Variants in RTL4 observed in about 807,000 individuals in gnomAD.
RTL4 encodes retrotransposon Gag-like protein 4.
In RTL4, 4 loss-of-function variants were observed where a neutral mutation model predicts 5.3. The observed-to-expected ratio is 0.75, with a 90% confidence interval of 0.37 to 1.72. RTL4 has a LOEUF of 1.72. RTL4 is among the 40% of genes most tolerant of loss of function. RTL4 has a pLI of 0.04. For synonymous variants in RTL4, 98 were observed against 87.3 expected, an observed-to-expected ratio of 1.12 and a Z score of -0.68; for missense variants, 260 against 227.1, an observed-to-expected ratio of 1.14 and a Z score of -0.93.
chrX:112,449,833 G>A (rs1926703828), upstream of RTL4, among the ~76,000 whole-genome samples: 2 of 112,228 alleles, frequency 1.8e-5, no homozygotes, highest in Non-Finnish European at 3.8e-5. Context: ...GAAGCCCGAT[G>A]CCTTCATTGT....
chrX:112,276,793 A>C, the RTL4 span, among the ~76,000 whole-genome samples: 2 of 112,319 alleles, frequency 1.8e-5, no homozygotes, highest in Non-Finnish European at 3.8e-5. Flanking sequence ...AGTTCATTGA[A>C]ATCAAACTAT....
the RTL4 span, among the ~76,000 whole-genome samples, chrX:112,278,141 G>T: frequency 1.8e-5 from 2 of 112,226 alleles, no homozygotes; most frequent in African/African-American, 6.5e-5. Flanking sequence ...TAACTCTAAA[G>T]ATTGTTGGTT....
At chrX:112,330,623 C>G in the RTL4 span, among the ~76,000 whole-genome samples, 1 of 110,868 alleles carries the variant, frequency 9.0e-6, no homozygotes, top group Non-Finnish European at 1.9e-5. Flanking sequence ...ATAAAGCTAC[C>G]AAAGACTTTC....
At chrX:112,180,009 G>A in the RTL4 span, among the ~76,000 whole-genome samples, 2 of 111,141 alleles carry the variant, frequency 1.8e-5, no homozygotes, top group Non-Finnish European at 3.8e-5. Flanking sequence ...GAACATGGGC[G>A]TATTTTGCAT....
chrX:112,379,771 G>GT, the RTL4 span, among the ~76,000 whole-genome samples: 2 of 111,596 alleles, frequency 1.8e-5, no homozygotes, highest in African/African-American at 3.3e-5. Flanking sequence ...ATGATCATAA[G>GT]TTTTTTTATG....
chrX:112,399,169 T>C, the RTL4 span, among the ~76,000 whole-genome samples: 2 of 112,146 alleles, frequency 1.8e-5, no homozygotes, highest in Admixed American at 9.4e-5. Flanking sequence ...ATTTCTGATA[T>C]TGATTGTGTA....
the RTL4 span, among the ~76,000 whole-genome samples, chrX:112,171,690 C>T: frequency 4.5e-5 from 5 of 111,295 alleles, no homozygotes; most frequent in East Asian, 2.8e-4. Flanking sequence ...ATTCCTTACA[C>T]CTTGTATAAA....
the RTL4 span, among the ~76,000 whole-genome samples, chrX:112,083,200 G>A: frequency 8.9e-6 from 1 of 112,563 alleles, no homozygotes; most frequent in African/African-American, 3.2e-5. Flanking sequence ...GGGGAGGTGG[G>A]AGGCTAAGCG....
chrX:112,406,263 G>T, the RTL4 span, among the ~76,000 whole-genome samples: 1 of 111,880 alleles, frequency 8.9e-6, no homozygotes, highest in African/African-American at 3.3e-5. Flanking sequence ...CATTTGTAAA[G>T]AAAAGTGGTT....
chrX:112,434,517 G>A, the RTL4 span, among the ~76,000 whole-genome samples: 1 of 111,881 alleles, frequency 8.9e-6, no homozygotes, highest in Non-Finnish European at 1.9e-5. Context: ...TAGTTTATTT[G>A]CATAGAGGTG....
At chrX:112,206,677 G>A in the RTL4 span, among the ~76,000 whole-genome samples, 1 of 111,315 alleles carries the variant, frequency 9.0e-6, no homozygotes, top group Admixed American at 9.6e-5. Flanking sequence ...TTGGTTTGTG[G>A]CTTTTATACC....
At chrX:112,359,878 C>T in the RTL4 span, among the ~76,000 whole-genome samples, 1 of 110,675 alleles carries the variant, frequency 9.0e-6, no homozygotes, top group Non-Finnish European at 1.9e-5. Context: ...GACTAATGGA[C>T]GTTTTGAAAG....
the RTL4 span, among the ~76,000 whole-genome samples, chrX:112,243,305 G>A: frequency 2.9e-3 from 319 of 110,882 alleles, no homozygotes; most frequent in Non-Finnish European, 4.0e-3. Flanking sequence ...GGTAGAATTC[G>A]GCTGTGAACC....
chrX:112,196,013 G>A, the RTL4 span, among the ~76,000 whole-genome samples: 17 of 111,280 alleles, frequency 1.5e-4, no homozygotes, highest in Non-Finnish European at 5.7e-5. Context: ...TTCTGCCATT[G>A]TAACATCTTG....
At chrX:112,304,645 T>TC in the RTL4 span, among the ~76,000 whole-genome samples, 1 of 89,298 alleles carries the variant, frequency 1.1e-5, no homozygotes, top group East Asian at 3.1e-4. Context: ...ACATCTTTTT[T>TC]TTTTTTTTTT....
the RTL4 span, among the ~76,000 whole-genome samples, chrX:112,108,788 A>T: frequency 9.0e-6 from 1 of 111,224 alleles, no homozygotes. Flanking sequence ...ATCCGAATTC[A>T]TCCTGGTAGT....
the RTL4 span, among the ~76,000 whole-genome samples, chrX:112,420,534 AC>A: frequency 9.0e-6 from 1 of 111,680 alleles, no homozygotes; most frequent in Admixed American, 9.5e-5. Flanking sequence ...GTGGCACCAA[AC>A]AGACCTGATT....
chrX:112,301,082 C>T, the RTL4 span, among the ~76,000 whole-genome samples: 1 of 111,393 alleles, frequency 9.0e-6, no homozygotes, highest in Admixed American at 9.5e-5. Flanking sequence ...ATAGGATTTG[C>T]AGAGGCCAAG....
the RTL4 span, among the ~76,000 whole-genome samples, chrX:112,438,212 T>C: frequency 1.1e-5 from 1 of 89,869 alleles, no homozygotes; most frequent in Non-Finnish European, 2.2e-5. Context: ...AGTCATCTGA[T>C]GGCTTGACTG....
Sources: gnomAD v4.1 joint callset for allele counts (sites outside exome capture counted in the v4.1 genomes callset) on GRCh38, gnomAD v4.1.1 for gene constraint, MANE v1.5 for transcripts, NCBI Gene and HGNC (gene_info 2026-07-23, HGNC 2026-07-21) for gene names.